Variants in ADCY2 observed in about 807,000 individuals in gnomAD.
The protein encoded by ADCY2 is adenylate cyclase type 2.
Under a neutral mutation model 125.2 loss-of-function variants are expected in ADCY2, and 31 were observed. That is an observed-to-expected ratio of 0.25 (90% CI 0.19 to 0.33). The LOEUF is 0.33. Among genes scored for constraint, ADCY2 ranks in the 10% least tolerant of loss-of-function variants. The pLI is 1.00. For synonymous variants in ADCY2, 512 were observed against 548.4 expected, an observed-to-expected ratio of 0.93 and a Z score of 0.93; for missense variants, 904 against 1,418.2, an observed-to-expected ratio of 0.64 and a Z score of 5.82.
Position 7,451,829 on chromosome 5 carries a change from G to A in ADCY2, c.408+37059G>A, listed in dbSNP as rs897325915. ...TGGTTTTTGGTTAGATAGATGAGTT[G>A]TATAGTGGTGAAGTCAGAGATTTTA... On this transcript the variant is annotated intron_variant, in intron 2 of 24. Coordinates refer to ENST00000338316, the MANE Select transcript of ADCY2 (RefSeq NM_020546.3). Among the ~76,000 whole-genome samples, 9 of 152,018 alleles carry A rather than the reference G, an allele frequency of 5.9e-5. No individual in the cohort carries two copies. The South Asian group carries it at 1.9e-3, about 32-fold the overall frequency.
intron 4 of ADCY2, among the ~76,000 whole-genome samples, chr5:7,665,828 C>CTTTTTTTTTTT (rs70940750): frequency 2.6e-5 from 1 of 38,618 alleles, no homozygotes; most frequent in African/African-American, 1.0e-4. Flanking sequence ...TAATTTAATT[C>CTTTTTTTTTTT]TTTTTTTTTT....
intron 5 of ADCY2, among the ~76,000 whole-genome samples, chr5:7,692,962 A>G (rs564795297): frequency 1.3e-5 from 2 of 152,174 alleles, no homozygotes; most frequent in South Asian, 4.2e-4. Flanking sequence ...CATCTAAGAC[A>G]CCACCATCAA....
chr5:7,470,360 C>T lies in ADCY2; in HGVS notation c.409-50378C>T, dbSNP rs1024705907. Among the ~76,000 whole-genome samples the T allele has an allele frequency of 7.3e-5, 11 of 151,602 alleles. No homozygotes were observed. In the South Asian group the frequency reaches 2.3e-3, roughly 31 times the overall value. ...CTTGTTATTTCTGCATACATCTCAG[C>T]TTCTTTCTTTTTACATTTTGTTTAG... On this transcript the variant is annotated intron_variant, in intron 2 of 24. Transcript: ENST00000338316.
intron 3 of ADCY2, among the ~76,000 whole-genome samples, chr5:7,542,841 C>T (rs1001381097): frequency 2.0e-5 from 3 of 152,214 alleles, no homozygotes; most frequent in Non-Finnish European, 2.9e-5. Context: ...GTAGCATAGC[C>T]TTGCCAAGTG....
intron 4 of ADCY2, among the ~76,000 whole-genome samples, chr5:7,668,147 T>C (rs1298549093): frequency 6.6e-6 from 1 of 152,234 alleles, no homozygotes; most frequent in Admixed American, 6.5e-5. Context: ...GGGTAGGCCA[T>C]GGTACCCAGA....
chr5:7,548,762 T>G (rs754545583), intron 3 of ADCY2, among the ~76,000 whole-genome samples: 4 of 152,222 alleles, frequency 2.6e-5, no homozygotes, highest in Non-Finnish European at 4.4e-5. Context: ...GTCCATACTT[T>G]AGGCCCTGAA....
intron 1 of ADCY2, among the ~76,000 whole-genome samples, chr5:7,413,222 G>A (rs1396182981): frequency 6.6e-6 from 1 of 152,184 alleles, no homozygotes; most frequent in African/African-American, 2.4e-5. Context: ...GTGCCCACCT[G>A]TAAAGAATAG....
intron 2 of ADCY2, among the ~76,000 whole-genome samples, chr5:7,476,635 C>T (rs943737957): frequency 1.3e-5 from 2 of 152,104 alleles, no homozygotes; most frequent in Non-Finnish European, 2.9e-5. Context: ...GATGGAGACC[C>T]CTGAAGAGAT....
intron 23 of ADCY2, among the ~76,000 whole-genome samples, chr5:7,818,940 G>A (rs1745208730): frequency 6.6e-6 from 1 of 152,022 alleles, no homozygotes; most frequent in Non-Finnish European, 1.5e-5. Context: ...TTATTAAGAA[G>A]TATTAACTCA....
At chr5:7,476,891 C>A (rs1278739687) in intron 2 of ADCY2, among the ~76,000 whole-genome samples, 2 of 152,260 alleles carry the variant, frequency 1.3e-5, no homozygotes, top group East Asian at 1.9e-4. Flanking sequence ...TTGCTTTTTG[C>A]AACTCAGTAA....
At chr5:7,657,344 A>G (rs1047856122) in intron 4 of ADCY2, among the ~76,000 whole-genome samples, 1 of 152,236 alleles carries the variant, frequency 6.6e-6, no homozygotes, top group Non-Finnish European at 1.5e-5. Flanking sequence ...TTCCTTCATC[A>G]CGCATACTTT....
At chr5:7,475,686 G>T (rs1222683213) in intron 2 of ADCY2, among the ~76,000 whole-genome samples, 1 of 152,210 alleles carries the variant, frequency 6.6e-6, no homozygotes, top group Admixed American at 6.5e-5. Context: ...CCGGCAAGAT[G>T]TATTTTTAAA....
intron 23 of ADCY2, among the ~76,000 whole-genome samples, chr5:7,818,347 CTTTTTCT>C (rs1189234571): frequency 6.9e-6 from 1 of 145,424 alleles, no homozygotes; most frequent in African/African-American, 2.7e-5. Flanking sequence ...TTTTCTTTTT[CTTTTTCT>C]TTTTTTTTTT....
Position 7,659,644 on chromosome 5 carries a change from A to C in ADCY2, c.721-31047A>C, listed in dbSNP as rs541157739. On this transcript the variant is annotated intron_variant, in intron 4 of 24. Transcript: ENST00000338316. ...GACCAGGAAATTGAGTTACTAAAGG[A>C]TAAGTAATACCTCTGCTGTGAGCCG... Among the ~76,000 whole-genome samples the C allele has an allele frequency of 2.6e-5, 4 of 152,334 alleles. No individual in the cohort carries two copies. The South Asian group carries it at 8.3e-4, about 32-fold the overall frequency.
intron 3 of ADCY2, among the ~76,000 whole-genome samples, chr5:7,528,130 G>A (rs549155370): frequency 2.6e-5 from 4 of 152,282 alleles, no homozygotes; most frequent in South Asian, 2.1e-4. Context: ...GGAAGGAATG[G>A]GAGTAAGGAT....
chr5:7,434,222 G>A (rs894313405), intron 2 of ADCY2, among the ~76,000 whole-genome samples: 3 of 152,058 alleles, frequency 2.0e-5, no homozygotes, highest in African/African-American at 4.8e-5. Flanking sequence ...ACGTTTGTTC[G>A]TGTCAGCATT....
chr5:7,792,079 T>C (rs1744265051), intron 20 of ADCY2, among the ~76,000 whole-genome samples: 1 of 151,532 alleles, frequency 6.6e-6, no homozygotes, highest in Non-Finnish European at 1.5e-5. Flanking sequence ...CAAAGGGAGA[T>C]AAGGGAGCTG....
At chr5:7,778,200 T>C (rs1743802971) in intron 18 of ADCY2, among the ~76,000 whole-genome samples, 1 of 152,250 alleles carries the variant, frequency 6.6e-6, no homozygotes, top group African/African-American at 2.4e-5. Flanking sequence ...ACACTTATCC[T>C]TCCCATGACA....
intron 3 of ADCY2, among the ~76,000 whole-genome samples, chr5:7,566,875 G>GAA (rs201990788): frequency 3.3e-5 from 5 of 151,532 alleles, no homozygotes; most frequent in Non-Finnish European, 7.4e-5. Flanking sequence ...CTGGGGGGGA[G>GAA]GTATTAAAAT....
Sources: allele counts gnomAD v4.1 joint callset (sites outside exome capture counted in the v4.1 genomes callset), GRCh38; gene constraint gnomAD v4.1.1; transcripts MANE v1.5; gene names NCBI Gene and HGNC (gene_info 2026-07-23, HGNC 2026-07-21).